The following PLEKHM2 variants were observed in gnomAD, a reference collection of about 807,000 sequenced individuals.
PLEKHM2 encodes the protein pleckstrin homology and RUN domain containing M2.
A neutral mutation model predicts 116.3 loss-of-function variants in PLEKHM2; 77 were observed. The ratio of observed to expected loss-of-function variants is 0.66; its 90% CI spans 0.55 to 0.80. PLEKHM2 has a LOEUF of 0.80. PLEKHM2 is among the 30% of genes least tolerant of loss of function. PLEKHM2 has a pLI of 0.00. For missense variants in PLEKHM2, 1,183 were observed against 1,354.9 expected (o/e 0.87, Z 1.99); for synonymous variants, 562 against 571.0 (o/e 0.98, Z 0.22).
At chr1:15,696,752 A>G (rs1319244213) in intron 1 of PLEKHM2, among the ~76,000 whole-genome samples, 4 of 152,242 alleles carry the variant, frequency 2.6e-5, no homozygotes, top group African/African-American at 9.6e-5. Flanking sequence ...TGGGGCAGAC[A>G]TTCTGGAAGA....
chr1:15,687,514 G>A (rs2148327382), intron 1 of PLEKHM2, among the ~76,000 whole-genome samples: 1 of 152,236 alleles, frequency 6.6e-6, no homozygotes, highest in Non-Finnish European at 1.5e-5. Context: ...AGTCTTAACT[G>A]GTAGCTTTTT....
chr1:15,726,334 C>T lies in PLEKHM2; in HGVS notation c.942-680C>T, dbSNP rs373444473. On this transcript the variant is annotated intron_variant, in intron 8 of 19. Transcript: ENST00000375799. Reference sequence around the variant, plus strand: ...AGCCTCCCCGGCTCCCTGACCTCCCCGACCCCCTCTTAAAACTTCACACTG... The same window carrying T: ...AGCCTCCCCGGCTCCCTGACCTCCCTGACCCCCTCTTAAAACTTCACACTG... 8.3e-4 allele frequency among the ~76,000 whole-genome samples: 126 copies of T among 152,336 alleles called. 1 individual carries two copies. In the South Asian group the frequency reaches 0.02, roughly 25 times the overall value.
Position 15,728,592 on chromosome 1 carries a change from C to A in PLEKHM2, c.1922-77C>A. The A allele has an allele frequency of 6.2e-6, 8 of 1,299,474 alleles. No individual in the cohort carries two copies. The South Asian group carries it at 8.8e-5, about 14-fold the overall frequency. The allele number at this position is 1,299,474 out of a possible 1,614,324, so 80.5% of individuals were successfully genotyped here. On this transcript the variant is annotated intron_variant, in intron 11 of 19. Coordinates refer to ENST00000375799, the MANE Select transcript of PLEKHM2 (RefSeq NM_015164.4). This position sits in a 1 kb window ranked among gnomAD's most constrained non-coding sequence, Gnocchi z 5.9. ...AGGAGAGGCCCTCTAAGAGAGGGGGCTGTGTCTAAGAAAATGGGGCAGGGG... is the reference window on the plus strand; with the variant it reads ...AGGAGAGGCCCTCTAAGAGAGGGGGATGTGTCTAAGAAAATGGGGCAGGGG...
intron 1 of PLEKHM2, among the ~76,000 whole-genome samples, chr1:15,689,437 G>A (rs999979472): frequency 1.3e-5 from 2 of 152,072 alleles, no homozygotes; most frequent in African/African-American, 4.8e-5. Context: ...TGCAAGATGC[G>A]GCTGGAAGGT....
In PLEKHM2 at chr1:15,686,272, C is replaced by T. The variant is rs142407912; in HGVS notation, c.60+1654C>T. Among the ~76,000 whole-genome samples the T allele has an allele frequency of 9.4e-4, 143 of 152,254 alleles. 2 individuals carry two copies. The East Asian group carries it at 0.023, about 24-fold the overall frequency. ...GTCACACTAGAAACTGCAAACCCAT[C>T]CCTGGGTGTATCACAACCAAAGCCA... On this transcript the variant is annotated intron_variant, in intron 1 of 19. Transcript: ENST00000375799.
At chr1:15,732,780 C>A in intron 19 of PLEKHM2, 52 bp downstream of exon 19, 1 of 1,255,180 alleles carries the variant, frequency 8.0e-7, no homozygotes, top group South Asian at 1.3e-5. Flanking sequence ...GGAGTGGGAG[C>A]CACTCCCCGG....
At chr1:15,720,278 G>C (rs74618361) in intron 6 of PLEKHM2, 2 of 945,458 alleles carry the variant, frequency 2.1e-6, no homozygotes, top group East Asian at 2.3e-4. Context: ...AGTGTTGCCT[G>C]TTCTGGGGAG....
intron 16 of PLEKHM2, 81 bp downstream of exon 16, chr1:15,731,338 C>G (rs1212141285): frequency 9.0e-7 from 1 of 1,106,794 alleles, no homozygotes; most frequent in Admixed American, 2.0e-5. Flanking sequence ...CCCCTGTTGG[C>G]AGTTCAGCCT....
At chr1:15,713,819 TA>T (rs1296286323) in intron 1 of PLEKHM2, among the ~76,000 whole-genome samples, 1 of 152,098 alleles carries the variant, frequency 6.6e-6, no homozygotes, top group Non-Finnish European at 1.5e-5. Context: ...GCATTTTGCT[TA>T]GTAGAGACGG....
chr1:15,720,166 AAGGTT>A (rs1228821554), intron 6 of PLEKHM2: 1 of 156,780 alleles, frequency 6.4e-6, no homozygotes, highest in South Asian at 2.0e-4. Context: ...TATATTTTTT[AAGGTT>A]AGACCCTTTT....
rs145833913 is a variant in PLEKHM2 at position 15,689,015 on chromosome 1, G to A, written c.60+4397G>A. The stretch of plus-strand genomic sequence containing the variant: ...TGTAACCCCAACACTTTGGGAGGCC[G>A]AGGCGGGCGGATCACCTGAGGTCAG... On this transcript the variant is annotated intron_variant, in intron 1 of 19. Coordinates refer to ENST00000375799, the MANE Select transcript of PLEKHM2 (RefSeq NM_015164.4). Among the ~76,000 whole-genome samples the A allele has an allele frequency of 9.4e-4, 143 of 152,192 alleles. 2 individuals carry two copies. The East Asian group carries it at 0.023, about 24-fold the overall frequency.
intron 3 of PLEKHM2, among the ~76,000 whole-genome samples, chr1:15,717,382 C>T (rs1641466825): frequency 6.6e-6 from 1 of 152,174 alleles, no homozygotes; most frequent in Non-Finnish European, 1.5e-5. Flanking sequence ...CCACTATACT[C>T]CAGCCTGGGT....
chr1:15,684,566 C>CG lies in PLEKHM2; in HGVS notation c.13dup (p.Glu5GlyfsTer25). 7.8e-7 allele frequency: 1 copy of CG among 1,289,728 alleles called. No individual in the cohort carries two copies. The highest frequency in any genetic ancestry group is 2.4e-5 in the South Asian group (1 of 42,012). The allele number at this position is 1,289,728 out of a possible 1,614,324, so 79.9% of individuals were successfully genotyped here. On this transcript the variant is annotated frameshift_variant, in exon 1 of 20. Coordinates refer to ENST00000375799, the MANE Select transcript of PLEKHM2 (RefSeq NM_015164.4). LOFTEE classifies it high-confidence loss of function. ...GGCGACGGTGGCAGCGCCATGGAGC[C>CG]GGGGGAGGTGAAGGACCGGATCCTG...
chr1:15,729,909 G>T lies in PLEKHM2; in HGVS notation c.2188G>T (p.Ala730Ser), dbSNP rs1420750005. ...MEKLALAKFV[A>S]QESKCEASAV... ...GAAGCTGGCACTGGCCAAATTTGTG[G>T]CCCAAGAATCGAAGTGTGAGGTAAG... The change falls in exon 14 of 20, where the codon GCC (alanine) becomes TCC (serine). Residue 730 changes from alanine (A) to serine (S), a missense_variant. Physicochemically the swap from Ala to Ser is moderately conservative, Grantham distance 99. Coordinates refer to ENST00000375799, the MANE Select transcript of PLEKHM2 (RefSeq NM_015164.4). This position sits in a 1 kb window ranked among gnomAD's most constrained non-coding sequence, Gnocchi z 4.7. The T allele has an allele frequency of 1.9e-6, 3 of 1,612,582 alleles. No individual in the cohort carries two copies. The Admixed American group carries it at 5.0e-5, about 27-fold the overall frequency.
Position 15,718,534 on chromosome 1 carries a change from G to T in PLEKHM2, c.378-4G>T, listed in dbSNP as rs1486385194. On this transcript the variant is annotated splice_polypyrimidine_tract_variant and splice_region_variant and intron_variant, in intron 4 of 19. Transcript: ENST00000375799. ...GCACCATCGTGGCTTCTCATGTCTT[G>T]CAGGAATGCCCTGGTCTGCAGCCAC... The T allele has an allele frequency of 4.5e-6, 7 of 1,556,284 alleles. No homozygotes were observed. The highest frequency in any genetic ancestry group is 5.2e-6 in the Non-Finnish European group (6 of 1,144,840).
intron 7 of PLEKHM2, among the ~76,000 whole-genome samples, chr1:15,724,211 A>G (rs955297998): frequency 1.3e-5 from 2 of 152,144 alleles, no homozygotes; most frequent in African/African-American, 2.4e-5. Context: ...TCGGCCGGGC[A>G]CGGTGGCTCA....
chr1:15,717,474 T>G (rs1336178267), intron 3 of PLEKHM2, among the ~76,000 whole-genome samples: 1 of 152,208 alleles, frequency 6.6e-6, no homozygotes, highest in Non-Finnish European at 1.5e-5. Context: ...ATGAGGCCTC[T>G]TTTCTCCCCA....
chr1:15,732,785 C>A, intron 19 of PLEKHM2, 57 bp downstream of exon 19: 1 of 1,197,066 alleles, frequency 8.4e-7, no homozygotes, highest in East Asian at 2.5e-5. Flanking sequence ...GGGAGCCACT[C>A]CCCGGGGAGA....
Position 15,729,098 on chromosome 1 carries a change from G to A in PLEKHM2, c.1987-4G>A, listed in dbSNP as rs1287563068. 1 of 1,605,770 alleles carries A rather than the reference G, an allele frequency of 6.2e-7. No individual in the cohort carries two copies. Among genetic ancestry groups the A allele is most frequent in the Non-Finnish European group, 8.5e-7 (1 of 1,176,304 alleles). On this transcript the variant is annotated splice_polypyrimidine_tract_variant and splice_region_variant and intron_variant, in intron 12 of 19. Coordinates refer to ENST00000375799, the MANE Select transcript of PLEKHM2 (RefSeq NM_015164.4). The surrounding 1 kb of genome is among the most constrained non-coding windows in gnomAD (Gnocchi z 4.7). ...AGTGCATGTCACGGTGTGGTTTCTG[G>A]CAGGTTGGCCTTGACCAGCAGACGG...
Sources: allele counts gnomAD v4.1 joint callset (sites outside exome capture counted in the v4.1 genomes callset), GRCh38; gene constraint gnomAD v4.1.1; non-coding constraint Gnocchi (gnomAD v3.1); transcripts MANE v1.5; gene names NCBI Gene and HGNC (gene_info 2026-07-23, HGNC 2026-07-21).